The following DOCK2 variants were observed in gnomAD, a reference collection of about 807,000 sequenced individuals.
DOCK2 encodes the protein dedicator of cytokinesis protein 2.
DOCK2 carries 87 observed loss-of-function variants against 248.9 expected under a neutral mutation model. The observed-to-expected ratio is 0.35, with a 90% CI of 0.29 to 0.42. The LOEUF (loss-of-function observed/expected upper bound fraction) is 0.42, where lower values mean the gene tolerates loss of function less well. DOCK2 is among the 10% of genes least tolerant of loss of function. The pLI is 1.00. For synonymous variants in DOCK2, 805 were observed against 821.6 expected (o/e 0.98, Z 0.35); for missense variants, 1,747 against 2,300.2 (o/e 0.76, Z 4.92).
At chr5:170,008,771 A>G in intron 32 of DOCK2, 25 bp downstream of exon 32, 1 of 1,613,758 alleles carries the variant, frequency 6.2e-7, no homozygotes, top group Non-Finnish European at 8.5e-7. Context: ...ACATCCAGAT[A>G]CTCACATCTG....
chr5:169,725,574 G>C (rs930462215), intron 22 of DOCK2, among the ~76,000 whole-genome samples: 24 of 151,992 alleles, frequency 1.6e-4, no homozygotes, highest in Admixed American at 9.2e-4. Context: ...TTGTTACATA[G>C]GTATACATGT....
chr5:170,074,334 GTC>G, intron 46 of DOCK2, among the ~76,000 whole-genome samples: 1 of 151,186 alleles, frequency 6.6e-6, no homozygotes, highest in South Asian at 2.1e-4. Context: ...TGTTGGTCTG[GTC>G]TCTGTCTTTC....
chr5:169,952,601 C>G (rs1387833673), intron 27 of DOCK2, among the ~76,000 whole-genome samples: 1 of 152,114 alleles, frequency 6.6e-6, no homozygotes, highest in Admixed American at 6.5e-5. Flanking sequence ...GTCAATACAA[C>G]TGACATGTTA....
At chr5:170,017,884 A>T (rs935929434) in intron 32 of DOCK2, among the ~76,000 whole-genome samples, 4 of 152,160 alleles carry the variant, frequency 2.6e-5, no homozygotes, top group Non-Finnish European at 4.4e-5. Flanking sequence ...TTTTTGCAAG[A>T]TCTTCTCAAC....
intron 9 of DOCK2, among the ~76,000 whole-genome samples, chr5:169,689,900 C>T (rs1251429221): frequency 5.9e-5 from 9 of 152,106 alleles, no homozygotes; most frequent in Non-Finnish European, 1.2e-4. Flanking sequence ...ATGTTGAAAT[C>T]GATTGTTATT....
intron 1 of DOCK2, among the ~76,000 whole-genome samples, chr5:169,643,262 T>C (rs1757250216): frequency 6.6e-6 from 1 of 152,192 alleles, no homozygotes; most frequent in South Asian, 2.1e-4. Flanking sequence ...AAAGTCATGG[T>C]GGCAGAAACT....
At chr5:170,044,635 A>G (rs534123944) in intron 38 of DOCK2, among the ~76,000 whole-genome samples, 5 of 152,262 alleles carry the variant, frequency 3.3e-5, no homozygotes, top group African/African-American at 9.6e-5. Context: ...AGCCTGGCCC[A>G]TATACTTGAT....
At chr5:169,935,599 A>G (rs938029406) in intron 27 of DOCK2, among the ~76,000 whole-genome samples, 8 of 152,166 alleles carry the variant, frequency 5.3e-5, no homozygotes, top group African/African-American at 1.7e-4. Flanking sequence ...GAGTTTTATC[A>G]CGTCCTACCT....
chr5:170,027,442 T>G (rs991602253), intron 33 of DOCK2, among the ~76,000 whole-genome samples: 19 of 152,210 alleles, frequency 1.2e-4, no homozygotes, highest in African/African-American at 4.6e-4. Context: ...CCCTGAAGAT[T>G]CTGTGTTCTG....
rs762909359 is a variant in DOCK2 at position 170,047,513 on chromosome 5, C to T, written c.3970C>T (p.Gln1324Ter). 3.1e-6 allele frequency: 5 copies of T among 1,613,198 alleles called. No individual in the cohort carries two copies. ...AAACCTTGTTTTCTTCCTTTAGATC[C>T]AGCAGGCAAAATTCTATGAAAGCAT... ...DYELLSQNLIQQAKFYESIMK... is the reference protein window; with the variant it reads ...DYELLSQNLI The change falls in exon 40 of 52, where the codon CAG becomes TAG. Residue 1324 changes from glutamine to a stop codon, truncating the protein, a stop_gained. Coordinates refer to ENST00000520908, the MANE Select transcript of DOCK2 (RefSeq NM_004946.3). LOFTEE classifies it high-confidence loss of function.
At chr5:170,046,971 A>G (rs1756736891) in intron 39 of DOCK2, among the ~76,000 whole-genome samples, 1 of 152,234 alleles carries the variant, frequency 6.6e-6, no homozygotes, top group Non-Finnish European at 1.5e-5. Flanking sequence ...CTGCAGTTAT[A>G]AGATGCCATT....
In DOCK2 at chr5:169,946,416, G is replaced by A. The variant is rs374161659; in HGVS notation, c.2800-36652G>A. ...GCTACCTTTATGTTTCTTCATGTGTGTTCTTAGCTGGTTTTCATATTGGGA... is the reference window on the plus strand; with the variant it reads ...GCTACCTTTATGTTTCTTCATGTGTATTCTTAGCTGGTTTTCATATTGGGA... On this transcript the variant is annotated intron_variant, in intron 27 of 51. Coordinates refer to ENST00000520908, the MANE Select transcript of DOCK2 (RefSeq NM_004946.3). Among the ~76,000 whole-genome samples, 280 of 152,328 alleles carry A rather than the reference G, an allele frequency of 1.8e-3. 6 individuals are homozygous for A. In the South Asian group the frequency reaches 0.048, roughly 26 times the overall value.
chr5:169,718,695 C>A lies in DOCK2; in HGVS notation c.2171C>A (p.Ser724Tyr). ...GTGCTGAAGACTTACTTGGATACCT[C>A]CAGCAGAGGGGAGCAATGTGAGCCA... Reference protein sequence around the residue: ...MTVLKTYLDTSSRGEQCEPIL... With the variant: ...MTVLKTYLDTYSRGEQCEPIL... The change falls in exon 22 of 52, where the codon TCC becomes TAC. Residue 724 changes from serine to tyrosine, a missense_variant. By Grantham distance (144) the Ser-to-Tyr change is moderately radical. Around this residue, in one of 4 missense-constraint regions of DOCK2, gnomAD observed 858 missense variants for 1,183.5 expected, o/e 0.72. Transcript: ENST00000520908. The A allele has an allele frequency of 6.2e-7, 1 of 1,613,856 alleles. No individual in the cohort carries two copies. The highest frequency in any genetic ancestry group is 8.5e-7 in the Non-Finnish European group (1 of 1,179,834).
Position 169,882,810 on chromosome 5 carries a change from G to A in DOCK2, c.2799+41958G>A, listed in dbSNP as rs115307165. The A allele has an allele frequency of 2.4e-3, 3,704 of 1,551,368 alleles. 37 individuals carry two copies. The highest frequency in any genetic ancestry group is 8.7e-3 in the South Asian group (732 of 84,028). ...TTGGAAACTCCAGTGTGTCTGACTC[G>A]GTGGGGTTGTTTGCCGTCTGCTCCT... On this transcript the variant is annotated intron_variant, in intron 27 of 51. Coordinates refer to ENST00000520908, the MANE Select transcript of DOCK2 (RefSeq NM_004946.3).
At chr5:170,005,386 A>G (rs1205692309) in intron 30 of DOCK2, among the ~76,000 whole-genome samples, 1 of 152,224 alleles carries the variant, frequency 6.6e-6, no homozygotes, top group African/African-American at 2.4e-5. Flanking sequence ...TAGGGATACA[A>G]TGAAATGCAA....
chr5:169,641,334 A>G (rs1757139297), intron 1 of DOCK2, among the ~76,000 whole-genome samples: 2 of 152,156 alleles, frequency 1.3e-5, no homozygotes, highest in Admixed American at 1.3e-4. Flanking sequence ...TCTTTTTCAC[A>G]GCTTGGTTGG....
intron 49 of DOCK2, chr5:170,079,358 G>T: frequency 8.7e-6 from 5 of 572,986 alleles, no homozygotes; most frequent in Non-Finnish European, 1.2e-5. Flanking sequence ...AGAGCTGGGA[G>T]TTGAGCCCTG....
At chr5:169,910,473 C>T (rs1045995966) in intron 27 of DOCK2, among the ~76,000 whole-genome samples, 1 of 152,164 alleles carries the variant, frequency 6.6e-6, no homozygotes, top group African/African-American at 2.4e-5. Flanking sequence ...ATTGTGCCGC[C>T]TGTGGTTGGA....
At chr5:169,845,876 C>A (rs2081896715) in intron 27 of DOCK2, among the ~76,000 whole-genome samples, 1 of 152,166 alleles carries the variant, frequency 6.6e-6, no homozygotes, top group Admixed American at 6.5e-5. Context: ...ACAGGGTTTT[C>A]TTAAGATATA....
Sources: allele counts gnomAD v4.1 joint callset (sites outside exome capture counted in the v4.1 genomes callset), GRCh38; gene constraint gnomAD v4.1.1; regional missense constraint gnomAD v4.1.1; transcripts MANE v1.5; gene names NCBI Gene and HGNC (gene_info 2026-07-23, HGNC 2026-07-21).